Variants in NUP98 observed in about 807,000 individuals in gnomAD.
The protein encoded by NUP98 is nuclear pore complex protein Nup98-Nup96.
A neutral mutation model predicts 191.9 loss-of-function variants in NUP98; 26 were observed. That is an observed-to-expected ratio of 0.14 (90% CI 0.10 to 0.19). NUP98 has a LOEUF of 0.19. Ranked by LOEUF, NUP98 falls within the 10% of genes least tolerant of loss-of-function variation. The probability of loss-of-function intolerance (pLI) is 1.00; values close to 1 mark genes in which losing one functional copy is unlikely to be tolerated. For missense variants in NUP98, 1,941 were observed against 2,178.8 expected, an observed-to-expected ratio of 0.89 and a Z score of 2.17; for synonymous variants, 808 against 778.4, an observed-to-expected ratio of 1.04 and a Z score of -0.63.
chr11:3,728,397 G>C (rs953423385), intron 14 of NUP98, among the ~76,000 whole-genome samples: 3 of 152,210 alleles, frequency 2.0e-5, no homozygotes, highest in African/African-American at 7.2e-5. Context: ...AATGACCACT[G>C]TGATAGCAAT....
At chr11:3,708,243 T>C (rs1161127180) in intron 20 of NUP98, among the ~76,000 whole-genome samples, 1 of 152,088 alleles carries the variant, frequency 6.6e-6, no homozygotes, top group African/African-American at 2.4e-5. Context: ...TGACACATGG[T>C]AGAGAAAGCA....
At position 3,735,175 on chromosome 11, in the gene NUP98, G is replaced by A; in HGVS notation, c.1542+16C>T. The A allele has an allele frequency of 6.4e-7, 1 of 1,557,804 alleles. No individual in the cohort carries two copies. Among genetic ancestry groups the A allele is most frequent in the South Asian group, 1.2e-5 (1 of 81,110 alleles). ...TTCTTTGATATGATATTTTACAGAA[G>A]TATCCTTAAATTTACCTCTTCCTTC... is the stretch of plus-strand genomic sequence containing the variant. On this transcript the variant is annotated intron_variant, in intron 13 of 32. Coordinates refer to ENST00000324932, the MANE Select transcript of NUP98 (RefSeq NM_016320.5).
intron 28 of NUP98, among the ~76,000 whole-genome samples, chr11:3,689,194 C>T (rs909234491): frequency 1.1e-4 from 17 of 152,144 alleles, no homozygotes; most frequent in African/African-American, 4.1e-4. Flanking sequence ...GATCATTCCA[C>T]TGCACACCAG....
intron 28 of NUP98, 109 bp from the exon 29 acceptor site, chr11:3,686,303 G>C: frequency 1.1e-6 from 1 of 877,500 alleles, no homozygotes; most frequent in Non-Finnish European, 1.8e-6. Context: ...GAGAGTGAAA[G>C]CATTATAGGC....
At chr11:3,783,698 TCAAAAACAAAAA>T (rs371782660) in intron 1 of NUP98, among the ~76,000 whole-genome samples, 2 of 152,074 alleles carry the variant, frequency 1.3e-5, no homozygotes, top group Admixed American at 1.3e-4. Flanking sequence ...AAACTCTGTC[TCAAAAACAAAAA>T]CAAAAACAAA....
chr11:3,742,551 A>G (rs1225498847), intron 12 of NUP98, among the ~76,000 whole-genome samples: 1 of 151,878 alleles, frequency 6.6e-6, no homozygotes, highest in Non-Finnish European at 1.5e-5. Context: ...AATTACAAAA[A>G]TTATATGCGT....
At chr11:3,694,308 T>C (rs2078427212) in intron 26 of NUP98, among the ~76,000 whole-genome samples, 1 of 149,698 alleles carries the variant, frequency 6.7e-6, no homozygotes, top group African/African-American at 2.5e-5. Flanking sequence ...GACACAGAGG[T>C]TGCAGTGAGC....
At position 3,676,122 on chromosome 11, in the gene NUP98, G is replaced by C. The variant is rs776336699; in HGVS notation, c.*37C>G. On this transcript the variant is annotated 3_prime_UTR_variant, in exon 33 of 33. Coordinates refer to ENST00000324932, the MANE Select transcript of NUP98 (RefSeq NM_016320.5). ...AAGGCAGGGAACCTCTGTGTGGTGT[G>C]AATGGGCATGTGACTGTGATGCAAA... The C allele has an allele frequency of 6.3e-7, 1 of 1,589,218 alleles. No individual in the cohort carries two copies. Among genetic ancestry groups the C allele is most frequent in the Non-Finnish European group, 8.6e-7 (1 of 1,161,750 alleles).
chr11:3,705,352 A>G lies in NUP98; in HGVS notation c.2930T>C (p.Met977Thr). 6.2e-7 allele frequency: 1 copy of G among 1,614,024 alleles called. No homozygotes were observed. Among genetic ancestry groups the G allele is most frequent in the Non-Finnish European group, 8.5e-7 (1 of 1,179,932 alleles). The change falls in exon 22 of 33, where the codon ATG becomes ACG. Residue 977 changes from methionine (M) to threonine (T), a missense_variant. Met to Thr is a moderately conservative substitution (Grantham distance 81). Coordinates refer to ENST00000324932, the MANE Select transcript of NUP98 (RefSeq NM_016320.5). ...TTCATCAGTAAGCAATGATGCTTTCATGATCTAAAAAGGCAATATCTATAG... is the reference window on the plus strand; with the variant it reads ...TTCATCAGTAAGCAATGATGCTTTCGTGATCTAAAAAGGCAATATCTATAG... ...LGINPHVLQI[M>T]KASLLTDEED...
At chr11:3,698,968 A>T in intron 25 of NUP98, 114 bp downstream of exon 25, 1 of 1,214,126 alleles carries the variant, frequency 8.2e-7, no homozygotes, top group South Asian at 1.4e-5. Flanking sequence ...GAAGTCCGCA[A>T]TTAATACTCA....
chr11:3,781,963 CT>C, intron 2 of NUP98, 78 bp downstream of exon 2: 1 of 899,850 alleles, frequency 1.1e-6, no homozygotes, highest in Non-Finnish European at 1.7e-6. Context: ...AAATTCCCAC[CT>C]AAAGCTTATC....
rs370706569 is a variant in NUP98 at position 3,762,173 on chromosome 11, G to A, written c.1086+729C>T. Reference sequence around the variant, plus strand: ...TGCCCAGGCTAGAGTGCAATAGCGCGATCTCGGGTCACTGCAACCTCCACT... The same window carrying A: ...TGCCCAGGCTAGAGTGCAATAGCGCAATCTCGGGTCACTGCAACCTCCACT... On this transcript the variant is annotated intron_variant, in intron 9 of 32. Transcript: ENST00000324932. Among the ~76,000 whole-genome samples, 9 of 152,068 alleles carry A rather than the reference G, an allele frequency of 5.9e-5. No individual in the cohort carries two copies. The South Asian group carries it at 8.3e-4, about 14-fold the overall frequency.
intron 18 of NUP98, among the ~76,000 whole-genome samples, chr11:3,714,586 T>G (rs940911745): frequency 6.6e-6 from 1 of 152,184 alleles, no homozygotes; most frequent in Non-Finnish European, 1.5e-5. Flanking sequence ...CCGGAGCCCC[T>G]GGCAAATACT....
At chr11:3,772,922 G>C (rs928406965) in intron 6 of NUP98, among the ~76,000 whole-genome samples, 1 of 152,008 alleles carries the variant, frequency 6.6e-6, no homozygotes. Flanking sequence ...AGGTTGTAGT[G>C]AGCCAAGATG....
At chr11:3,771,546 C>T (rs1424622728) in intron 7 of NUP98, among the ~76,000 whole-genome samples, 2 of 152,206 alleles carry the variant, frequency 1.3e-5, no homozygotes, top group Non-Finnish European at 2.9e-5. Context: ...ATCACCTTCT[C>T]CTCTGAAGCA....
At chr11:3,793,455 T>C (rs2082422192) in intron 1 of NUP98, among the ~76,000 whole-genome samples, 1 of 151,780 alleles carries the variant, frequency 6.6e-6, no homozygotes, top group Non-Finnish European at 1.5e-5. Flanking sequence ...GCCCAACTAA[T>C]TTTTCTATTT....
At chr11:3,694,479 G>A (rs909367353) in intron 26 of NUP98, among the ~76,000 whole-genome samples, 1 of 151,466 alleles carries the variant, frequency 6.6e-6, no homozygotes, top group African/African-American at 2.4e-5. Context: ...GGTGGCTCAC[G>A]CTTGTAATCC....
At chr11:3,759,425 T>C (rs375406449) in intron 10 of NUP98, among the ~76,000 whole-genome samples, 2 of 152,008 alleles carry the variant, frequency 1.3e-5, no homozygotes, top group African/African-American at 4.8e-5. Flanking sequence ...GGTGAAACCT[T>C]GTCTCTACTA....
intron 18 of NUP98, 52 bp from the exon 19 acceptor site, chr11:3,714,047 T>G (rs775530203): frequency 7.1e-6 from 11 of 1,556,198 alleles, no homozygotes; most frequent in Non-Finnish European, 9.7e-6. Flanking sequence ...GCGCTTCATA[T>G]ATAAGACCAG....
Sources: allele counts gnomAD v4.1 joint callset (sites outside exome capture counted in the v4.1 genomes callset), GRCh38; gene constraint gnomAD v4.1.1; transcripts MANE v1.5; gene names NCBI Gene and HGNC (gene_info 2026-07-23, HGNC 2026-07-21).